The following TSGA10 variants were observed in gnomAD, a reference collection of about 807,000 sequenced individuals.
TSGA10 encodes the protein testis-specific gene 10 protein.
Under a neutral mutation model 96.6 loss-of-function variants are expected in TSGA10, and 43 were observed. The observed-to-expected ratio is 0.44, with a 90% confidence interval of 0.35 to 0.57. The LOEUF is 0.57. Ranked by LOEUF, TSGA10 falls within the 20% of genes least tolerant of loss-of-function variation. The probability of loss-of-function intolerance (pLI) is 0.01; values close to 1 mark genes in which losing one functional copy is unlikely to be tolerated. For missense variants in TSGA10, 703 were observed against 834.4 expected, an observed-to-expected ratio of 0.84 and a Z score of 1.94; for synonymous variants, 229 against 269.9, an observed-to-expected ratio of 0.85 and a Z score of 1.48.
rs1282588869 is a variant in TSGA10 at position 99,008,369 on chromosome 2, A to C, written c.2072+9831T>G. 5.3e-5 allele frequency among the ~76,000 whole-genome samples: 8 copies of C among 152,232 alleles called. No homozygotes were observed. The South Asian group carries it at 6.2e-4, about 12-fold the overall frequency. ...AAAAAGATCTAAAGTCCATTAGAAA[A>C]ATAGACGAAGAAATGAATAGCTAAT... On this transcript the variant is annotated intron_variant, in intron 20 of 20. Transcript: ENST00000393483.
chr2:99,118,525 T>G, intron 3 of TSGA10, 26 bp downstream of exon 3: 1 of 958,680 alleles, frequency 1.0e-6, no homozygotes, highest in Non-Finnish European at 1.2e-6. Context: ...TTTTAAAAAG[T>G]CCTTTTGAAA....
chr2:99,005,354 C>T (rs986662778), intron 20 of TSGA10, among the ~76,000 whole-genome samples: 1 of 152,142 alleles, frequency 6.6e-6, no homozygotes, highest in South Asian at 2.1e-4. Context: ...GTCAAATTGG[C>T]CCTGTTTGCA....
chr2:99,102,994 T>C (rs890683648), intron 10 of TSGA10, among the ~76,000 whole-genome samples: 7 of 152,176 alleles, frequency 4.6e-5, no homozygotes, highest in African/African-American at 1.7e-4. Flanking sequence ...TTTAAATGTT[T>C]TGAAACATGC....
chr2:99,153,665 A>G (rs2093716676), intron 1 of TSGA10, among the ~76,000 whole-genome samples: 1 of 152,240 alleles, frequency 6.6e-6, no homozygotes, highest in Non-Finnish European at 1.5e-5. Flanking sequence ...ACTGTTTTTA[A>G]TAATAACTAG....
At chr2:99,136,723 C>T (rs1171581677) in intron 1 of TSGA10, among the ~76,000 whole-genome samples, 1 of 42,306 alleles carries the variant, frequency 2.4e-5, no homozygotes. Flanking sequence ...GGCGTGAACC[C>T]GGGAGGCGGA....
chr2:99,088,198 C>A (rs2088808659), intron 10 of TSGA10, among the ~76,000 whole-genome samples: 1 of 152,140 alleles, frequency 6.6e-6, no homozygotes, highest in African/African-American at 2.4e-5. Context: ...GTGTAGTAGT[C>A]CCCTCTTATC....
At chr2:99,087,792 G>A (rs79000552) in intron 10 of TSGA10, among the ~76,000 whole-genome samples, 1,857 of 151,978 alleles carry the variant, frequency 0.012, 38 homozygotes, top group African/African-American at 0.043. Flanking sequence ...TCAGATAAAC[G>A]GCTTCTACAA....
intron 16 of TSGA10, among the ~76,000 whole-genome samples, chr2:99,040,939 C>T (rs1266253981): frequency 6.6e-6 from 1 of 152,208 alleles, no homozygotes; most frequent in African/African-American, 2.4e-5. Flanking sequence ...ACACTTTAGC[C>T]CAGTTAGTTG....
intron 10 of TSGA10, among the ~76,000 whole-genome samples, chr2:99,100,872 A>G (rs2090628180): frequency 6.6e-6 from 1 of 151,338 alleles, no homozygotes; most frequent in Non-Finnish European, 1.5e-5. Flanking sequence ...ATAAATATGA[A>G]GATAATATAG....
chr2:99,114,320 C>T (rs1009586014), intron 4 of TSGA10, among the ~76,000 whole-genome samples: 2 of 152,178 alleles, frequency 1.3e-5, no homozygotes, highest in Non-Finnish European at 2.9e-5. Context: ...GATGACAACA[C>T]ACACTGGAGT....
At chr2:99,005,217 C>A (rs1172552153) in intron 20 of TSGA10, among the ~76,000 whole-genome samples, 2 of 152,132 alleles carry the variant, frequency 1.3e-5, no homozygotes, top group East Asian at 3.8e-4. Context: ...GAAGCATTCC[C>A]TTGAAGACTG....
At chr2:99,122,615 CA>C (rs148224475) in intron 2 of TSGA10, among the ~76,000 whole-genome samples, 2,391 of 53,272 alleles carry the variant, frequency 0.045, 32 homozygotes, top group African/African-American at 0.1. Context: ...CCATCTCTAC[CA>C]AAAAAAAAAA....
chr2:99,047,639 G>A (rs1038114132), intron 16 of TSGA10, among the ~76,000 whole-genome samples: 11 of 152,130 alleles, frequency 7.2e-5, no homozygotes, highest in African/African-American at 2.7e-4. Context: ...GCAAAAACTG[G>A]AAGCATTCCC....
rs1309257459 is a variant in TSGA10 at position 99,064,934 on chromosome 2, C to T, written c.1404+5G>A. ...TGTATTATAAGCATATTTTTCCAAACTTACTTGCTCAACCTCTCTGTTGAG... is the reference window on the plus strand; with the variant it reads ...TGTATTATAAGCATATTTTTCCAAATTTACTTGCTCAACCTCTCTGTTGAG... On this transcript the variant is annotated splice_donor_5th_base_variant and intron_variant, in intron 16 of 20. Coordinates refer to ENST00000393483, the MANE Select transcript of TSGA10 (RefSeq NM_025244.4). 2 of 1,566,014 alleles carry T rather than the reference C, an allele frequency of 1.3e-6. No homozygotes were observed. Among genetic ancestry groups the T allele is most frequent in the Non-Finnish European group, 1.7e-6 (2 of 1,159,786 alleles).
chr2:99,112,861 C>A (rs1402454768), intron 4 of TSGA10, among the ~76,000 whole-genome samples: 5 of 144,014 alleles, frequency 3.5e-5, no homozygotes, highest in African/African-American at 1.0e-4. Context: ...GTCCCCCACC[C>A]CACCCTTTGT....
At position 99,035,510 on chromosome 2, in the gene TSGA10, A is replaced by T. The variant is rs2081537001; in HGVS notation, c.1405-71T>A. The T allele has an allele frequency of 8.1e-6, 9 of 1,108,948 alleles. 1 individual carries two copies. In the South Asian group the frequency reaches 1.7e-4, roughly 21 times the overall value. 68.7% of individuals were successfully genotyped at this position (1,108,948 alleles called of 1,614,324 possible). A position where few individuals can be genotyped will look rare whatever the true frequency, so the allele number is the denominator to read the frequency against. ...ACTGGAAGGAAACTATAACATGGAAAAATGAAGTGGGGCAAATCTAAGAGT... is the reference window on the plus strand; with the variant it reads ...ACTGGAAGGAAACTATAACATGGAATAATGAAGTGGGGCAAATCTAAGAGT... On this transcript the variant is annotated intron_variant, in intron 16 of 20. Transcript: ENST00000393483.
chr2:99,021,564 G>C (rs1384857179), intron 17 of TSGA10, among the ~76,000 whole-genome samples: 1 of 152,134 alleles, frequency 6.6e-6, no homozygotes, highest in African/African-American at 2.4e-5. Flanking sequence ...GCTATTACTA[G>C]TTCAGGGCTT....
intron 2 of TSGA10, among the ~76,000 whole-genome samples, chr2:99,120,939 T>G (rs2092538963): frequency 6.6e-6 from 1 of 152,220 alleles, no homozygotes. Flanking sequence ...CTTTTGAGAT[T>G]GCTTTCTTTC....
At chr2:99,150,444 C>A in intron 1 of TSGA10, 1 of 1,167,560 alleles carries the variant, frequency 8.6e-7, no homozygotes, top group Non-Finnish European at 1.2e-6. Context: ...TAGGGAAATT[C>A]CTGCTGCATT....
Sources: gnomAD v4.1 joint callset for allele counts (sites outside exome capture counted in the v4.1 genomes callset) on GRCh38, gnomAD v4.1.1 for gene constraint, MANE v1.5 for transcripts, NCBI Gene and HGNC (gene_info 2026-07-23, HGNC 2026-07-21) for gene names.